LARP4: variants seen among roughly 807,000 people sequenced by gnomAD.
The protein encoded by LARP4 is La ribonucleoprotein 4.
LARP4 carries 29 observed loss-of-function variants against 92.9 expected under a neutral mutation model. The observed-to-expected ratio is 0.31, with a 90% CI of 0.23 to 0.43. The LOEUF (loss-of-function observed/expected upper bound fraction) is 0.43. LARP4 is among the 20% of genes least tolerant of loss of function. LARP4 has a pLI of 1.00. For synonymous variants in LARP4, 279 were observed against 284.1 expected (o/e 0.98, Z 0.18); for missense variants, 732 against 860.0 (o/e 0.85, Z 1.86).
intron 1 of LARP4, among the ~76,000 whole-genome samples, chr12:50,405,544 A>C (rs1345538234): frequency 2.6e-5 from 4 of 151,644 alleles, no homozygotes; most frequent in Non-Finnish European, 1.5e-5. Flanking sequence ...CTCAGTCTCC[A>C]AAGTAGCTGG....
At chr12:50,443,841 G>T (rs900479661) in intron 8 of LARP4, among the ~76,000 whole-genome samples, 5 of 152,168 alleles carry the variant, frequency 3.3e-5, no homozygotes, top group Admixed American at 3.3e-4. Flanking sequence ...TCGAACTCCT[G>T]ACCTCAGGTG....
At chr12:50,412,879 G>A (rs77697379) in intron 1 of LARP4, among the ~76,000 whole-genome samples, 7,370 of 152,186 alleles carry the variant, frequency 0.048, 636 homozygotes, top group East Asian at 0.36. Flanking sequence ...TAATCCTGTG[G>A]AAGTGATCAA....
chr12:50,423,769 TA>T (rs1565977840), intron 1 of LARP4, among the ~76,000 whole-genome samples: 2 of 150,482 alleles, frequency 1.3e-5, no homozygotes, highest in Non-Finnish European at 3.0e-5. Flanking sequence ...TTTTTTTTTT[TA>T]GACGGAGTCT....
At chr12:50,459,928 A>G (rs924426945) in intron 10 of LARP4, among the ~76,000 whole-genome samples, 6 of 151,842 alleles carry the variant, frequency 4.0e-5, no homozygotes, top group Non-Finnish European at 4.4e-5. Flanking sequence ...CACGAGGTCA[A>G]GAGTTCAAGA....
chr12:50,446,617 CAG>C (rs1280312649), intron 8 of LARP4, among the ~76,000 whole-genome samples: 2 of 149,242 alleles, frequency 1.3e-5, no homozygotes, highest in East Asian at 2.0e-4. Flanking sequence ...TTAGTAGAGA[CAG>C]GGTTTCACTA....
At chr12:50,445,141 C>T (rs1382704076) in intron 8 of LARP4, among the ~76,000 whole-genome samples, 2 of 151,982 alleles carry the variant, frequency 1.3e-5, no homozygotes, top group African/African-American at 2.4e-5. Flanking sequence ...TGAGGGCAAG[C>T]GATCCCCCCA....
intron 1 of LARP4, among the ~76,000 whole-genome samples, chr12:50,405,798 C>T (rs1365774950): frequency 6.6e-6 from 1 of 152,004 alleles, no homozygotes; most frequent in African/African-American, 2.4e-5. Flanking sequence ...GTTCCAGGAC[C>T]CTCTGTAGAT....
intron 8 of LARP4, among the ~76,000 whole-genome samples, chr12:50,451,666 C>T (rs1953215578): frequency 6.6e-6 from 1 of 152,212 alleles, no homozygotes; most frequent in South Asian, 2.1e-4. Context: ...GAAACCCCGT[C>T]TCTACTAACA....
chr12:50,475,066 C>G (rs762121353), intron 15 of LARP4, among the ~76,000 whole-genome samples: 5 of 152,154 alleles, frequency 3.3e-5, no homozygotes, highest in South Asian at 4.1e-4. Context: ...ATGTTTTATT[C>G]TGTTCTCACA....
intron 8 of LARP4, among the ~76,000 whole-genome samples, chr12:50,446,210 G>GTA (rs1952015107): frequency 6.7e-6 from 1 of 148,752 alleles, no homozygotes; most frequent in African/African-American, 2.5e-5. Context: ...GTTTCATCAT[G>GTA]TTAGCCAGGA....
At chr12:50,415,132 G>A (rs1027786181) in intron 1 of LARP4, among the ~76,000 whole-genome samples, 1 of 152,136 alleles carries the variant, frequency 6.6e-6, no homozygotes. Context: ...GAATCCCAGA[G>A]GTGGAGGTTG....
At chr12:50,436,712 T>C (rs945728280) in intron 5 of LARP4, among the ~76,000 whole-genome samples, 1 of 152,210 alleles carries the variant, frequency 6.6e-6, no homozygotes, top group Non-Finnish European at 1.5e-5. Context: ...GAGTGGGTTT[T>C]GTTAACTATT....
intron 12 of LARP4, among the ~76,000 whole-genome samples, chr12:50,464,312 C>T (rs980257089): frequency 6.6e-6 from 1 of 152,220 alleles, no homozygotes; most frequent in Non-Finnish European, 1.5e-5. Flanking sequence ...ATGGGGACCA[C>T]ACAGTTTATA....
At chr12:50,437,642 T>G in intron 5 of LARP4, 93 bp from the exon 6 acceptor site, 2 of 677,480 alleles carry the variant, frequency 3.0e-6, no homozygotes, top group Non-Finnish European at 5.0e-6. Context: ...GCAAATTTAC[T>G]CAGTTGGAAA....
chr12:50,446,198 G>C (rs1952009825), intron 8 of LARP4, among the ~76,000 whole-genome samples: 1 of 148,578 alleles, frequency 6.7e-6, no homozygotes, highest in African/African-American at 2.5e-5. Context: ...AGTAGAGACG[G>C]GGTTTCATCA....
intron 15 of LARP4, 105 bp downstream of exon 15, chr12:50,474,272 C>A: frequency 1.2e-6 from 1 of 809,396 alleles, no homozygotes; most frequent in East Asian, 2.6e-5. Context: ...GGAAGTAGCC[C>A]AAGTTGGGGC....
rs371437362 is a variant in LARP4, at chr12:50,401,119, C to T, written c.18+91C>T. The T allele has an allele frequency of 2.3e-5, 34 of 1,460,896 alleles. No individual in the cohort carries two copies. In the African/African-American group the frequency reaches 3.3e-4, roughly 14 times the overall value. The allele number at this position is 1,460,896 out of a possible 1,614,324, so 90.5% of individuals were successfully genotyped here. On this transcript the variant is annotated intron_variant, in intron 1 of 15. Transcript: ENST00000398473. The stretch of plus-strand genomic sequence containing the variant: ...CCCACCGCCATGTGACTTTCCGGGC[C>T]GTACACGCCGCGGAACCGGCAGATA...
intron 10 of LARP4, among the ~76,000 whole-genome samples, chr12:50,460,495 AT>A (rs1031760593): frequency 3.6e-5 from 5 of 139,874 alleles, no homozygotes; most frequent in African/African-American, 7.4e-5. Flanking sequence ...GCACATTTTA[AT>A]TTTTTTTTGC....
At chr12:50,428,521 A>C (rs1410603123) in intron 2 of LARP4, among the ~76,000 whole-genome samples, 1 of 152,122 alleles carries the variant, frequency 6.6e-6, no homozygotes, top group African/African-American at 2.4e-5. Context: ...CATCTATAAT[A>C]ATTATATTTA....
Sources: allele counts gnomAD v4.1 joint callset (sites outside exome capture counted in the v4.1 genomes callset), GRCh38; gene constraint gnomAD v4.1.1; transcripts MANE v1.5; gene names NCBI Gene and HGNC (gene_info 2026-07-23, HGNC 2026-07-21).